HEMK2: variants seen among roughly 807,000 people sequenced by gnomAD.
HEMK2 encodes the protein HemK methyltransferase 2, ETF1 glutamine and histone H4 lysine.
At chr21:28,641,174 A>AG in the HEMK2 span, among the ~76,000 whole-genome samples, 1 of 152,198 alleles carries the variant, frequency 6.6e-6, no homozygotes, top group Admixed American at 6.5e-5. Flanking sequence ...CACAGATAGA[A>AG]GGTACCAGCA....
the HEMK2 span, among the ~76,000 whole-genome samples, chr21:28,881,618 G>C: frequency 1.4e-5 from 2 of 144,762 alleles, no homozygotes; most frequent in African/African-American, 5.1e-5. Context: ...CTGTGCTGAA[G>C]CCATCAATTT....
the HEMK2 span, among the ~76,000 whole-genome samples, chr21:28,589,834 C>T: frequency 6.6e-6 from 1 of 152,094 alleles, no homozygotes; most frequent in African/African-American, 2.4e-5. Flanking sequence ...TTTTGGAGAA[C>T]ATGATGTCAC....
At chr21:28,597,178 G>GC in the HEMK2 span, among the ~76,000 whole-genome samples, 3 of 152,290 alleles carry the variant, frequency 2.0e-5, no homozygotes, top group Non-Finnish European at 4.4e-5. Context: ...TCTGGCAAAA[G>GC]CACCACAGAA....
chr21:28,842,337 T>G, the HEMK2 span, among the ~76,000 whole-genome samples: 1 of 152,182 alleles, frequency 6.6e-6, no homozygotes, highest in Non-Finnish European at 1.5e-5. Flanking sequence ...TTGAGATAAT[T>G]CTTTCTTGTC....
the HEMK2 span, among the ~76,000 whole-genome samples, chr21:28,750,958 C>T: frequency 1.3e-5 from 2 of 152,090 alleles, no homozygotes; most frequent in South Asian, 2.1e-4. Context: ...CGGCCAGGTG[C>T]GGTGGCTCAC....
At chr21:28,613,722 T>G in the HEMK2 span, among the ~76,000 whole-genome samples, 3 of 149,704 alleles carry the variant, frequency 2.0e-5, no homozygotes, top group African/African-American at 7.4e-5. Flanking sequence ...GTCATTTAGC[T>G]TAATGTGTCA....
chr21:28,830,897 A>G, the HEMK2 span, among the ~76,000 whole-genome samples: 18 of 292 alleles, frequency 0.062, no homozygotes, highest in African/African-American at 0.19. Context: ...AAAAAAAAAG[A>G]ATGGTATCAG....
At chr21:28,748,335 A>C in the HEMK2 span, among the ~76,000 whole-genome samples, 49 of 152,346 alleles carry the variant, frequency 3.2e-4, no homozygotes, top group African/African-American at 1.1e-3. Flanking sequence ...TAAATTAATA[A>C]TGATATTCAC....
the HEMK2 span, among the ~76,000 whole-genome samples, chr21:28,851,425 G>C: frequency 6.6e-6 from 1 of 152,176 alleles, no homozygotes; most frequent in Non-Finnish European, 1.5e-5. Context: ...AAATCGGCCA[G>C]AGTAACACAC....
At chr21:28,861,785 G>A in the HEMK2 span, among the ~76,000 whole-genome samples, 1 of 152,176 alleles carries the variant, frequency 6.6e-6, no homozygotes, top group Admixed American at 6.5e-5. Flanking sequence ...ATACGGTACT[G>A]TTTCTCTCAC....
chr21:28,786,014 A>G, the HEMK2 span, among the ~76,000 whole-genome samples: 4 of 152,214 alleles, frequency 2.6e-5, no homozygotes, highest in Non-Finnish European at 5.9e-5. Context: ...CACTTGCTGC[A>G]CCCATCTACC....
At chr21:28,847,891 T>C in the HEMK2 span, among the ~76,000 whole-genome samples, 1 of 152,160 alleles carries the variant, frequency 6.6e-6, no homozygotes, top group East Asian at 1.9e-4. Flanking sequence ...CTTTCCCCAT[T>C]GCTTGCTACT....
chr21:28,578,151 A>C, the HEMK2 span, among the ~76,000 whole-genome samples: 3 of 152,206 alleles, frequency 2.0e-5, no homozygotes, highest in African/African-American at 7.2e-5. Flanking sequence ...AAAATCTTTC[A>C]GGCTCCTGGA....
chr21:28,634,532 C>G, the HEMK2 span, among the ~76,000 whole-genome samples: 62 of 152,294 alleles, frequency 4.1e-4, no homozygotes, highest in Middle Eastern at 6.8e-3. Flanking sequence ...ATTCTGAGCA[C>G]CAGTATTTGC....
chr21:28,825,744 G>A, the HEMK2 span, among the ~76,000 whole-genome samples: 1 of 152,182 alleles, frequency 6.6e-6, no homozygotes, highest in South Asian at 2.1e-4. Context: ...AAGATCCCCT[G>A]ACAACCATAA....
chr21:28,720,312 T>C, the HEMK2 span, among the ~76,000 whole-genome samples: 1 of 152,270 alleles, frequency 6.6e-6, no homozygotes, highest in African/African-American at 2.4e-5. Flanking sequence ...GTTCAGTATT[T>C]GCTAATTCAG....
the HEMK2 span, among the ~76,000 whole-genome samples, chr21:28,742,719 G>C: frequency 1.3e-5 from 2 of 151,920 alleles, no homozygotes; most frequent in African/African-American, 2.4e-5. Flanking sequence ...ACGACACAGT[G>C]GTTTTGTTCT....
chr21:28,687,014 T>C, the HEMK2 span, among the ~76,000 whole-genome samples: 3 of 152,220 alleles, frequency 2.0e-5, no homozygotes, highest in Non-Finnish European at 4.4e-5. Context: ...GGAATTGATA[T>C]GCTAGTTCAT....
chr21:28,705,007 C>A, the HEMK2 span, among the ~76,000 whole-genome samples: 1 of 152,154 alleles, frequency 6.6e-6, no homozygotes, highest in Non-Finnish European at 1.5e-5. Context: ...CTGCTGCTAT[C>A]GTTCGTACTT....
Sources: allele counts gnomAD v4.1 joint callset (sites outside exome capture counted in the v4.1 genomes callset), GRCh38; gene constraint gnomAD v4.1.1; transcripts MANE v1.5; gene names NCBI Gene and HGNC (gene_info 2026-07-23, HGNC 2026-07-21).